Variants in CACNA1I observed in about 807,000 individuals in gnomAD.
CACNA1I encodes the protein voltage-dependent T-type calcium channel subunit alpha-1I.
A neutral mutation model predicts 201.6 loss-of-function variants in CACNA1I; 74 were observed. That is an observed-to-expected ratio of 0.37 (90% confidence interval 0.30 to 0.45). The LOEUF (loss-of-function observed/expected upper bound fraction) is 0.45, where lower values mean the gene tolerates loss of function less well. Ranked by LOEUF, CACNA1I falls within the 20% of genes least tolerant of loss-of-function variation. The pLI is 1.00. For missense variants in CACNA1I, 2,346 were observed against 3,138.1 expected (o/e 0.75, Z 6.03); for synonymous variants, 1,431 against 1,345.2 (o/e 1.06, Z -1.40).
chr22:39,686,262 A>G lies in CACNA1I; in HGVS notation c.6529A>G (p.Ser2177Gly). ...AAALAHGLAR[S>G]PSWAADRSKD... is the part of the protein sequence containing the mutation. The stretch of plus-strand genomic sequence containing the variant: ...CGCCCTGGCCCACGGCCTGGCCCGG[A>G]GCCCCTCGTGGGCCGCGGACCGCAG... The change falls in exon 37 of 37, where the codon AGC (serine) becomes GGC (glycine). Residue 2177 changes from serine (S) to glycine (G), a missense_variant. Physicochemically the swap from Ser to Gly is moderately conservative, Grantham distance 56. Around this residue, in one of 13 missense-constraint regions of CACNA1I, gnomAD observed 187 missense variants for 151.0 expected, o/e 1.24. Transcript: ENST00000402142. The G allele has an allele frequency of 1.6e-6, 2 of 1,288,638 alleles. No homozygotes were observed. The highest frequency in any genetic ancestry group is 2.2e-5 in the South Asian group (1 of 45,136). The allele number at this position is 1,288,638 out of a possible 1,614,324, so 79.8% of individuals were successfully genotyped here.
At chr22:39,596,151 AGCAGGGTG>A (rs1932882893) in intron 1 of CACNA1I, among the ~76,000 whole-genome samples, 1 of 39,636 alleles carries the variant, frequency 2.5e-5, no homozygotes, top group Non-Finnish European at 4.5e-5. Flanking sequence ...GAGATGGGGG[AGCAGGGTG>A]GAGAGAGATG....
At chr22:39,587,222 G>A (rs528885675) in intron 1 of CACNA1I, among the ~76,000 whole-genome samples, 78 of 152,156 alleles carry the variant, frequency 5.1e-4, no homozygotes, top group Non-Finnish European at 9.0e-4. Flanking sequence ...CTTATACAAC[G>A]GGGATTCCAA....
intron 4 of CACNA1I, among the ~76,000 whole-genome samples, chr22:39,633,304 C>T (rs1934114844): frequency 1.3e-5 from 2 of 152,132 alleles, no homozygotes; most frequent in Admixed American, 6.5e-5. Flanking sequence ...AACCTTATAG[C>T]CTAGTGGAAG....
chr22:39,668,184 G>T, intron 23 of CACNA1I, 108 bp from the exon 24 acceptor site: 1 of 684,724 alleles, frequency 1.5e-6, no homozygotes. Flanking sequence ...AGACCTCTTT[G>T]TCCCTCTGCC....
rs771894093 is a variant in CACNA1I, at chr22:39,598,223, C to G, written c.309C>G (p.Asp103Glu). 5.0e-6 allele frequency: 8 copies of G among 1,607,624 alleles called. No homozygotes were observed. In the Admixed American group the frequency reaches 5.0e-5, roughly 10 times the overall value. Residue 103 changes from aspartate to glutamate, a missense_variant, in exon 2 of 37, where the codon GAC becomes GAG. Transcript: ENST00000402142. ...CVTLGMYQPC[D>E]DMDCLSDRCK... is the part of the protein sequence containing the mutation. ...CACTTGGCATGTACCAGCCGTGCGA[C>G]GACATGGACTGCCTGTCCGACCGCT...
intron 4 of CACNA1I, 114 bp from the exon 5 acceptor site, chr22:39,634,451 C>A: frequency 2.1e-6 from 2 of 957,282 alleles, no homozygotes; most frequent in East Asian, 2.4e-5. Context: ...CAGCAAGGAG[C>A]CCCTGATAAT....
In CACNA1I at chr22:39,629,702, T is replaced by G. The variant is rs1053269212; in HGVS notation, c.581-4863T>G. ...GGGCCCCACACTCAGCGCTCCGGTT[T>G]CTGTCCCACGTGAGACCCCCGGGAG... On this transcript the variant is annotated intron_variant, in intron 4 of 36. Coordinates refer to ENST00000402142, the MANE Select transcript of CACNA1I (RefSeq NM_021096.4). This position sits in a 1 kb window ranked among gnomAD's most constrained non-coding sequence, Gnocchi z 4.8. 2.6e-5 allele frequency among the ~76,000 whole-genome samples: 4 copies of G among 152,172 alleles called. No homozygotes were observed. The South Asian group carries it at 8.3e-4, about 32-fold the overall frequency.
chr22:39,598,202 T>G lies in CACNA1I; in HGVS notation c.288T>G (p.Leu96=). Residue 96 remains leucine, a synonymous_variant, in exon 2 of 37, where the codon CTT becomes CTG. Transcript: ENST00000402142. ...TGATCCTGCTGAACTGCGTGACACTTGGCATGTACCAGCCGTGCGACGACA... is the reference window on the plus strand; with the variant it reads ...TGATCCTGCTGAACTGCGTGACACTGGGCATGTACCAGCCGTGCGACGACA... ...MLVILLNCVT[L]GMYQPCDDMD... is the part of the protein sequence containing the mutation. The G allele has an allele frequency of 1.2e-6, 2 of 1,609,750 alleles. No homozygotes were observed. The highest frequency in any genetic ancestry group is 1.7e-6 in the Non-Finnish European group (2 of 1,178,356).
intron 1 of CACNA1I, among the ~76,000 whole-genome samples, chr22:39,595,238 G>A (rs981791586): frequency 2.0e-5 from 3 of 151,696 alleles, no homozygotes; most frequent in Admixed American, 6.6e-5. Flanking sequence ...GCAGTGAGCC[G>A]AGATCACGCC....
intron 1 of CACNA1I, among the ~76,000 whole-genome samples, chr22:39,572,990 G>C (rs914545324): frequency 6.6e-6 from 1 of 152,060 alleles, no homozygotes. Flanking sequence ...CTCCTGACTC[G>C]TGAACCGCCT....
In CACNA1I at chr22:39,661,137, C is replaced by G; in HGVS notation, c.2728C>G (p.Pro910Ala). 1 of 1,613,474 alleles carries G rather than the reference C, an allele frequency of 6.2e-7. No homozygotes were observed. Among genetic ancestry groups the G allele is most frequent in the African/African-American group, 1.3e-5 (1 of 75,036 alleles). Residue 910 changes from proline (P) to alanine (A), a missense_variant, in exon 16 of 37, where the codon CCC becomes GCC. By Grantham distance (27) the Pro-to-Ala change is conservative. This residue lies in a region of CACNA1I where 92 missense variants were observed against 114.5 expected (regional missense o/e 0.80). Coordinates refer to ENST00000402142, the MANE Select transcript of CACNA1I (RefSeq NM_021096.4). ...CAAGCTCTGCCCAATCCCCATGACC[C>G]CCAATGGGCACCTGGACCCCAGTCT... ...DPKLCPIPMTPNGHLDPSLPL... is the reference protein window; with the variant it reads ...DPKLCPIPMTANGHLDPSLPL...
chr22:39,619,440 G>C (rs752301450), intron 4 of CACNA1I, 33 bp downstream of exon 4: 1 of 1,541,188 alleles, frequency 6.5e-7, no homozygotes, highest in Admixed American at 1.7e-5. Flanking sequence ...ACACATTCCT[G>C]GCTGATCCAT....
chr22:39,577,146 T>C (rs5757734), intron 1 of CACNA1I, among the ~76,000 whole-genome samples: 37,036 of 152,064 alleles, frequency 0.24, 4,699 homozygotes, highest in Middle Eastern at 0.39. Flanking sequence ...GAGACGTGGT[T>C]TCACCAGCCT....
At chr22:39,673,508 GT>G (rs1273168628) in intron 28 of CACNA1I, among the ~76,000 whole-genome samples, 1 of 152,232 alleles carries the variant, frequency 6.6e-6, no homozygotes, top group Non-Finnish European at 1.5e-5. Context: ...CCTCAAGGTA[GT>G]TCGTACACTT....
At chr22:39,600,836 G>T (rs1419812445) in intron 3 of CACNA1I, among the ~76,000 whole-genome samples, 183 bp downstream of exon 3, 1 of 152,114 alleles carries the variant, frequency 6.6e-6, no homozygotes, top group African/African-American at 2.4e-5. Context: ...CCTAAGTTGT[G>T]CGTCCTCCAG....
At chr22:39,664,553 C>T (rs1935122942) in intron 20 of CACNA1I, among the ~76,000 whole-genome samples, 186 bp from the exon 21 acceptor site, 1 of 152,088 alleles carries the variant, frequency 6.6e-6, no homozygotes, top group African/African-American at 2.4e-5. Flanking sequence ...TGTCCCCTCC[C>T]ATCAACCGCC....
chr22:39,646,297 C>T (rs964152801), intron 7 of CACNA1I, among the ~76,000 whole-genome samples: 7 of 151,962 alleles, frequency 4.6e-5, no homozygotes, highest in Non-Finnish European at 1.0e-4. Flanking sequence ...TTTCTGAGCC[C>T]GTCTTACTCT....
chr22:39,651,423 C>T (rs1309445851), intron 10 of CACNA1I, among the ~76,000 whole-genome samples: 1 of 152,114 alleles, frequency 6.6e-6, no homozygotes, highest in Non-Finnish European at 1.5e-5. Flanking sequence ...GCTCATTTGC[C>T]AGCCATTCCA....
chr22:39,658,854 C>T, intron 11 of CACNA1I, 77 bp from the exon 12 acceptor site: 1 of 1,236,914 alleles, frequency 8.1e-7, no homozygotes, highest in Non-Finnish European at 1.1e-6. Context: ...TTTCCCTTCT[C>T]CCTCTGTCTT....
Sources: gnomAD v4.1 joint callset for allele counts (sites outside exome capture counted in the v4.1 genomes callset) on GRCh38, gnomAD v4.1.1 for gene constraint, gnomAD v4.1.1 regional missense constraint, Gnocchi (gnomAD v3.1) non-coding constraint, MANE v1.5 for transcripts, NCBI Gene and HGNC (gene_info 2026-07-23, HGNC 2026-07-21) for gene names.